PROX2: variants seen among roughly 807,000 people sequenced by gnomAD.
PROX2 encodes prospero homeobox 2.
PROX2 carries 46 observed loss-of-function variants against 48.9 expected under a neutral mutation model. That is an observed-to-expected ratio of 0.94 (90% CI 0.74 to 1.20). PROX2 has a LOEUF of 1.20. Among genes scored for constraint, PROX2 ranks in the 50% most tolerant of loss-of-function variants. PROX2 has a pLI of 0.00. For synonymous variants in PROX2, 260 were observed against 276.6 expected, an observed-to-expected ratio of 0.94 and a Z score of 0.60; for missense variants, 663 against 719.4, an observed-to-expected ratio of 0.92 and a Z score of 0.90.
chr14:74,871,625 T>C (rs182120965), intron 1 of PROX2, among the ~76,000 whole-genome samples: 1 of 151,900 alleles, frequency 6.6e-6, no homozygotes, highest in Admixed American at 6.6e-5. Flanking sequence ...ATAGAAAAAA[T>C]TAACCAGATG....
rs552014783 is a variant in PROX2 at position 74,855,242 on chromosome 14, A to G, written c.1669T>C (p.Ser557Pro). ...LTLQEFFRAV[S>P]AGRDSDPSWK... ...GAAGGATCTGAGTCTCTCCCTGCGG[A>G]GACAGCCCTGAAGAACTCCTGTAAC... Residue 557 changes from serine (S) to proline (P), a missense_variant, in exon 6 of 6, where the codon TCC (serine) becomes CCC (proline). Coordinates refer to ENST00000556489, the MANE Select transcript of PROX2 (RefSeq NM_001243007.2). 5.0e-6 allele frequency: 8 copies of G among 1,591,466 alleles called. No individual in the cohort carries two copies. The African/African-American group carries it at 8.0e-5, about 16-fold the overall frequency.
In PROX2 at chr14:74,854,462, T is replaced by G. The variant is rs140695864; in HGVS notation, c.*670A>C. On this transcript the variant is annotated 3_prime_UTR_variant, in exon 6 of 6. Transcript: ENST00000556489. ...TTAGCTGCAGGAGATGGGTCCAGCA[T>G]GCAGTTGGGCATCAGAAAGTCTTGG... 2,180 of 232,896 alleles carry G rather than the reference T, an allele frequency of 9.4e-3. 22 individuals carry two copies. The highest frequency in any genetic ancestry group is 0.013 in the Non-Finnish European group (1,440 of 112,890). The allele number at this position is 232,896 out of a possible 1,614,324, so 14.4% of individuals were successfully genotyped here. A position where few individuals can be genotyped will look rare whatever the true frequency, so the allele number is the denominator to read the frequency against.
intron 1 of PROX2, among the ~76,000 whole-genome samples, chr14:74,873,131 G>T (rs754297163): frequency 6.6e-6 from 1 of 151,976 alleles, no homozygotes; most frequent in South Asian, 2.1e-4. Context: ...CTACAGGCAC[G>T]TGCCACCATG....
chr14:74,863,238 G>T lies in PROX2; in HGVS notation c.597C>A (p.Asp199Glu), dbSNP rs754779808. 6.2e-7 allele frequency: 1 copy of T among 1,613,910 alleles called. No individual in the cohort carries two copies. The highest frequency in any genetic ancestry group is 1.1e-5 in the South Asian group (1 of 91,076). ...CTTGGTGTTTTTCTGCCCCAGAGAG[G>T]TCCTTGCTGGTACCTTGCTGGTGGT... ...DGDHQQGTSKDLSGAEKHQES... is the reference protein window; with the variant it reads ...DGDHQQGTSKELSGAEKHQES... Residue 199 changes from aspartate to glutamate, a missense_variant, in exon 3 of 6, where the codon GAC (aspartate) becomes GAA (glutamate). By Grantham distance (45) the Asp-to-Glu change is conservative. Transcript: ENST00000556489.
chr14:74,874,085 A>C (rs916146793), intron 1 of PROX2: 1 of 527,556 alleles, frequency 1.9e-6, no homozygotes, highest in East Asian at 5.5e-5. Flanking sequence ...CAAAAATAAT[A>C]AAGGGATAGA....
intron 2 of PROX2, among the ~76,000 whole-genome samples, chr14:74,869,834 T>C (rs1883167955): frequency 6.6e-6 from 1 of 152,176 alleles, no homozygotes; most frequent in African/African-American, 2.4e-5. Flanking sequence ...CATATATTTT[T>C]TGGAAATATT....
Position 74,855,193 on chromosome 14 carries a change from A to C in PROX2, c.1718T>G (p.Ile573Ser). Residue 573 changes from isoleucine to serine, a missense_variant, in exon 6 of 6, where the codon ATT becomes AGT. Physicochemically the swap from Ile to Ser is moderately radical, Grantham distance 142. Transcript: ENST00000556489. ...GATGTCACTGTCCAGTTTCGAAATA[A>C]TTTTATAAATGGGTTTCTTCCAGGA... The part of the protein sequence containing the change: ...DPSWKKPIYK[I>S]ISKLDSDIPE... 6.3e-7 allele frequency: 1 copy of C among 1,594,000 alleles called. No homozygotes were observed. Among genetic ancestry groups the C allele is most frequent in the Non-Finnish European group, 8.6e-7 (1 of 1,167,202 alleles).
chr14:74,872,020 A>T (rs1000490074), intron 1 of PROX2: 1 of 152,234 alleles, frequency 6.6e-6, no homozygotes, highest in African/African-American at 2.4e-5. Flanking sequence ...CTATGAGGCC[A>T]GCTGAGGTGA....
At chr14:74,856,765 C>T (rs540827279) in intron 5 of PROX2, 36 bp downstream of exon 5, 8 of 1,551,172 alleles carry the variant, frequency 5.2e-6, no homozygotes, top group African/African-American at 1.4e-5. Context: ...GGAAGACACT[C>T]ATCAGATCTC....
rs776997089 is a variant in PROX2 at position 74,862,516 on chromosome 14, C to T, written c.1305+14G>A. ...TGGCCAACAATGAGAACTTCAATTG[C>T]TATTAAAGGATATGTGGACCAAAGA... On this transcript the variant is annotated intron_variant, in intron 3 of 5. Coordinates refer to ENST00000556489, the MANE Select transcript of PROX2 (RefSeq NM_001243007.2). The T allele has an allele frequency of 1.9e-6, 3 of 1,603,888 alleles. No individual in the cohort carries two copies. The highest frequency in any genetic ancestry group is 2.6e-6 in the Non-Finnish European group (3 of 1,175,836).
At chr14:74,874,468 G>T (rs1007956270) in intron 1 of PROX2, among the ~76,000 whole-genome samples, 8 of 151,478 alleles carry the variant, frequency 5.3e-5, no homozygotes, top group Non-Finnish European at 7.4e-5. Context: ...GGCCAGGCTG[G>T]TCTTGAACTC....
At position 74,855,306 on chromosome 14, in the gene PROX2, C is replaced by G; in HGVS notation, c.1609-4G>C. 1 of 1,545,666 alleles carries G rather than the reference C, an allele frequency of 6.5e-7. No homozygotes were observed. Among genetic ancestry groups the G allele is most frequent in the Non-Finnish European group, 8.8e-7 (1 of 1,136,294 alleles). On this transcript the variant is annotated splice_polypyrimidine_tract_variant and splice_region_variant and intron_variant, in intron 5 of 5. Coordinates refer to ENST00000556489, the MANE Select transcript of PROX2 (RefSeq NM_001243007.2). ...TTTCCAAGAAGCAATCTGGAACCTG[C>G]ATTTCCAAAGAGACCCACAAGAAAG... is the stretch of plus-strand genomic sequence containing the variant.
intron 2 of PROX2, among the ~76,000 whole-genome samples, chr14:74,868,835 C>CAA (rs34902627): frequency 1.4e-5 from 2 of 141,286 alleles, no homozygotes; most frequent in Non-Finnish European, 3.1e-5. Context: ...GACTCCGTCT[C>CAA]AAAAAAAAAA....
At chr14:74,867,474 T>A (rs74063629) in intron 2 of PROX2, among the ~76,000 whole-genome samples, 17,626 of 152,224 alleles carry the variant, frequency 0.12, 1,623 homozygotes, top group African/African-American at 0.26. Context: ...TCCCCTTTGG[T>A]CTGTGAGCTC....
intron 2 of PROX2, among the ~76,000 whole-genome samples, chr14:74,870,165 G>A (rs1883174391): frequency 6.6e-6 from 1 of 151,966 alleles, no homozygotes; most frequent in African/African-American, 2.4e-5. Context: ...GGTGGCTCAT[G>A]CCTGTAATCC....
intron 5 of PROX2, 22 bp from the exon 6 acceptor site, chr14:74,855,324 C>A: frequency 6.6e-7 from 1 of 1,518,400 alleles, no homozygotes; most frequent in African/African-American, 1.4e-5. Context: ...AAGAGACCCA[C>A]AAGAAAGAAA....
intron 5 of PROX2, chr14:74,855,747 TC>T (rs2140160288): frequency 6.5e-6 from 1 of 152,842 alleles, no homozygotes; most frequent in East Asian, 1.9e-4. Context: ...ACTCCTGCTT[TC>T]AGAGCTGGTT....
intron 1 of PROX2, chr14:74,873,741 G>T (rs748168657): frequency 4.3e-6 from 2 of 465,602 alleles, no homozygotes; most frequent in South Asian, 3.3e-5. Flanking sequence ...GGATGGATTC[G>T]AAAAGGCCAA....
intron 1 of PROX2, among the ~76,000 whole-genome samples, chr14:74,872,808 T>C (rs533369397): frequency 3.3e-5 from 5 of 152,152 alleles, no homozygotes; most frequent in African/African-American, 9.7e-5. Context: ...TTCACTGCAC[T>C]GGCTAATGAC....
Sources: gnomAD v4.1 joint callset for allele counts (sites outside exome capture counted in the v4.1 genomes callset) on GRCh38, gnomAD v4.1.1 for gene constraint, MANE v1.5 for transcripts, NCBI Gene and HGNC (gene_info 2026-07-23, HGNC 2026-07-21) for gene names.